RBFOX1: variants seen among roughly 807,000 people sequenced by gnomAD.
RBFOX1 encodes the protein RNA binding protein fox-1 homolog 1.
In RBFOX1, 8 loss-of-function variants were observed where a neutral mutation model predicts 57.7. That is an observed-to-expected ratio of 0.14 (90% CI 0.08 to 0.25). The LOEUF (loss-of-function observed/expected upper bound fraction) is 0.25. RBFOX1 is among the 10% of genes least tolerant of loss of function. RBFOX1 has a pLI of 1.00. For synonymous variants in RBFOX1, 326 were observed against 222.4 expected (o/e 1.47, Z -4.15); for missense variants, 611 against 548.5 (o/e 1.11, Z -1.14).
chr16:5,483,011 A>G (rs1036776410), intron 2 of RBFOX1, among the ~76,000 whole-genome samples: 3 of 152,166 alleles, frequency 2.0e-5, no homozygotes, highest in Non-Finnish European at 2.9e-5. Context: ...ACAGATACAA[A>G]CTGTCATCTA....
intron 3 of RBFOX1, among the ~76,000 whole-genome samples, chr16:6,782,141 G>C (rs2081129520): frequency 6.6e-6 from 1 of 152,068 alleles, no homozygotes; most frequent in Non-Finnish European, 1.5e-5. Context: ...CGAGTAGCTG[G>C]GACTACGGGC....
chr16:6,643,034 C>T (rs1481516123), intron 2 of RBFOX1, among the ~76,000 whole-genome samples: 2 of 152,076 alleles, frequency 1.3e-5, no homozygotes, highest in Non-Finnish European at 2.9e-5. Context: ...TATTCTTTGC[C>T]CTGAAGCATC....
intron 1 of RBFOX1, among the ~76,000 whole-genome samples, chr16:5,291,744 G>C (rs2063540642): frequency 6.6e-6 from 1 of 152,174 alleles, no homozygotes; most frequent in Non-Finnish European, 1.5e-5. Context: ...GGTGATCGTG[G>C]CTTGGTTTAT....
At chr16:5,313,056 G>A (rs567239319) in intron 1 of RBFOX1, among the ~76,000 whole-genome samples, 1 of 152,224 alleles carries the variant, frequency 6.6e-6, no homozygotes, top group East Asian at 1.9e-4. Context: ...TTTGTGCCAT[G>A]TGCTGTCCTG....
chr16:5,788,580 G>C (rs765253364), intron 3 of RBFOX1, among the ~76,000 whole-genome samples: 1 of 152,192 alleles, frequency 6.6e-6, no homozygotes, highest in Non-Finnish European at 1.5e-5. Flanking sequence ...AGTGAGCCGG[G>C]ATCGTGCCAC....
intron 2 of RBFOX1, among the ~76,000 whole-genome samples, chr16:6,465,029 C>G (rs1481165752): frequency 3.9e-5 from 6 of 152,236 alleles, no homozygotes. Context: ...TTTCTCATAT[C>G]TAGCCTGATT....
intron 2 of RBFOX1, among the ~76,000 whole-genome samples, chr16:6,580,983 G>T (rs563742240): frequency 1.3e-5 from 2 of 150,538 alleles, no homozygotes; most frequent in East Asian, 2.0e-4. Context: ...CATTGATCAA[G>T]AATATATTTT....
intron 2 of RBFOX1, among the ~76,000 whole-genome samples, chr16:5,501,616 C>T (rs1192271931): frequency 2.6e-5 from 4 of 152,148 alleles, no homozygotes; most frequent in Non-Finnish European, 4.4e-5. Context: ...ATAGCATCTT[C>T]CTCCTAAGTT....
chr16:7,587,044 C>T (rs775474778), intron 6 of RBFOX1, among the ~76,000 whole-genome samples: 4 of 152,138 alleles, frequency 2.6e-5, no homozygotes, highest in Admixed American at 1.3e-4. Flanking sequence ...TTGTATCAAG[C>T]CTTGCCGGTA....
rs542362038 is a variant in RBFOX1, at chr16:6,926,440, C to T, written c.-15-125617C>T. 2.0e-5 allele frequency among the ~76,000 whole-genome samples: 3 copies of T among 152,312 alleles called. No homozygotes were observed. In the South Asian group the frequency reaches 6.2e-4, roughly 32 times the overall value. On this transcript the variant is annotated intron_variant, in intron 3 of 15. Coordinates refer to ENST00000550418, the MANE Select transcript of RBFOX1 (RefSeq NM_018723.4). The stretch of plus-strand genomic sequence containing the variant: ...GCAGGCCTCAGAATTTCCCCTGCCT[C>T]CTGATCGGTGTTCAGATGTAGATAG...
chr16:7,249,627 A>G (rs1308141046), intron 4 of RBFOX1, among the ~76,000 whole-genome samples: 1 of 151,248 alleles, frequency 6.6e-6, no homozygotes, highest in Non-Finnish European at 1.5e-5. Context: ...CTGTAAGAAT[A>G]ATGAAAGGGC....
chr16:7,017,953 A>G (rs559003342), intron 3 of RBFOX1, among the ~76,000 whole-genome samples: 10 of 152,340 alleles, frequency 6.6e-5, no homozygotes, highest in African/African-American at 2.2e-4. Flanking sequence ...CGTGTGAATT[A>G]GGTGTGCCCC....
intron 4 of RBFOX1, among the ~76,000 whole-genome samples, chr16:7,266,655 C>A (rs956800029): frequency 2.0e-5 from 3 of 152,020 alleles, no homozygotes; most frequent in Non-Finnish European, 4.4e-5. Flanking sequence ...CACTCCGTAA[C>A]AATGGTATAC....
chr16:7,004,671 T>C (rs1180389665), intron 3 of RBFOX1, among the ~76,000 whole-genome samples: 2 of 152,186 alleles, frequency 1.3e-5, no homozygotes, highest in African/African-American at 4.8e-5. Flanking sequence ...TTTTTCTATA[T>C]AGGGAAAATA....
intron 5 of RBFOX1, among the ~76,000 whole-genome samples, chr16:7,567,950 T>G (rs2092299767): frequency 6.6e-6 from 1 of 151,454 alleles, no homozygotes; most frequent in Non-Finnish European, 1.5e-5. Flanking sequence ...GCTGGATATT[T>G]TTTACAGTAT....
intron 4 of RBFOX1, among the ~76,000 whole-genome samples, chr16:7,512,814 A>G (rs923189890): frequency 6.6e-6 from 1 of 151,820 alleles, no homozygotes; most frequent in African/African-American, 2.4e-5. Flanking sequence ...CTGCTGCCCC[A>G]CTCCTTTCGA....
intron 4 of RBFOX1, among the ~76,000 whole-genome samples, chr16:5,915,352 T>G (rs923840203): frequency 3.9e-5 from 6 of 152,202 alleles, no homozygotes; most frequent in African/African-American, 1.4e-4. Flanking sequence ...ATTTTGAGAC[T>G]CTAGAGAGGG....
intron 2 of RBFOX1, among the ~76,000 whole-genome samples, chr16:6,575,218 A>G (rs1208118404): frequency 6.6e-6 from 1 of 152,182 alleles, no homozygotes; most frequent in African/African-American, 2.4e-5. Flanking sequence ...CTTCTGTGTC[A>G]TATCATAACT....
chr16:6,898,471 C>T (rs2067529336), intron 3 of RBFOX1, among the ~76,000 whole-genome samples: 1 of 152,118 alleles, frequency 6.6e-6, no homozygotes, highest in Non-Finnish European at 1.5e-5. Flanking sequence ...TTATTTAAGT[C>T]TCATAATTCA....
Sources: allele counts gnomAD v4.1 joint callset (sites outside exome capture counted in the v4.1 genomes callset), GRCh38; gene constraint gnomAD v4.1.1; transcripts MANE v1.5; gene names NCBI Gene and HGNC (gene_info 2026-07-23, HGNC 2026-07-21).